PCLO: variants seen among roughly 807,000 people sequenced by gnomAD.
PCLO encodes piccolo presynaptic cytomatrix protein, also known as protein piccolo.
PCLO carries 82 observed loss-of-function variants against 427.5 expected under a neutral mutation model. The observed-to-expected ratio is 0.19, with a 90% CI of 0.16 to 0.23. The LOEUF (loss-of-function observed/expected upper bound fraction) is 0.23, where lower values mean the gene tolerates loss of function less well. PCLO is among the 10% of genes least tolerant of loss of function. The pLI, the probability that PCLO is intolerant of heterozygous loss-of-function variation, is 1.00. For synonymous variants in PCLO, 2,357 were observed against 2,155.4 expected (o/e 1.09, Z -2.59); for missense variants, 6,239 against 6,115.9 (o/e 1.02, Z -0.67).
In PCLO at chr7:82,952,735, T is replaced by C; in HGVS notation, c.8218A>G (p.Thr2740Ala). The C allele has an allele frequency of 6.2e-7, 1 of 1,613,684 alleles. No homozygotes were observed. Among genetic ancestry groups the C allele is most frequent in the Non-Finnish European group, 8.5e-7 (1 of 1,179,684 alleles). Residue 2740 changes from threonine (T) to alanine (A), a missense_variant, in exon 5 of 25, where the codon ACA becomes GCA. By Grantham distance (58) the Thr-to-Ala change is moderately conservative. Transcript: ENST00000333891. ...GAAAGATCAATACATTTATCAGTTG[T>C]TTTAACTTCTACCTTTGGTACTGTA... ...LRTVPKVEVK[T>A]TDKCIDLSAS...
chr7:83,125,277 C>T (rs2116580403), intron 3 of PCLO, among the ~76,000 whole-genome samples: 1 of 151,942 alleles, frequency 6.6e-6, no homozygotes, highest in African/African-American at 2.4e-5. Flanking sequence ...GTGGGGAGCC[C>T]CTCCGCCCGG....
At chr7:82,781,831 C>A (rs1790879261) in intron 22 of PCLO, among the ~76,000 whole-genome samples, 1 of 152,124 alleles carries the variant, frequency 6.6e-6, no homozygotes, top group Non-Finnish European at 1.5e-5. Flanking sequence ...CATAAAAACC[C>A]AAGAGGATTG....
At chr7:83,116,533 T>C (rs2116543371) in intron 3 of PCLO, among the ~76,000 whole-genome samples, 1 of 152,310 alleles carries the variant, frequency 6.6e-6, no homozygotes, top group South Asian at 2.1e-4. Context: ...GTTGTATGTA[T>C]TCACCATGCA....
chr7:82,949,582 G>C lies in PCLO; in HGVS notation c.11006C>G (p.Pro3669Arg), dbSNP rs1317565576. 18 of 1,613,754 alleles carry C rather than the reference G, an allele frequency of 1.1e-5. No individual in the cohort carries two copies. In the East Asian group the frequency reaches 4.0e-4, roughly 36 times the overall value. ...PDMAKVPPAS[P>R]KTAKMMQRSM... ...ACGCTGCATCATCTTGGCTGTCTTAGGACTTGCTGGGGGAACTTTAGCCAT... is the reference window on the plus strand; with the variant it reads ...ACGCTGCATCATCTTGGCTGTCTTACGACTTGCTGGGGGAACTTTAGCCAT... Residue 3669 changes from proline to arginine, a missense_variant, in exon 6 of 25, where the codon CCT becomes CGT. Physicochemically the swap from Pro to Arg is moderately radical, Grantham distance 103. Coordinates refer to ENST00000333891, the MANE Select transcript of PCLO (RefSeq NM_033026.6).
At chr7:83,013,952 A>G (rs41597) in intron 3 of PCLO, among the ~76,000 whole-genome samples, 34,666 of 152,100 alleles carry the variant, frequency 0.23, 5,141 homozygotes, top group Middle Eastern at 0.4. Context: ...ATTGTAGAAT[A>G]GCAATTCTTT....
At chr7:82,936,968 T>G (rs563691462) in intron 6 of PCLO, among the ~76,000 whole-genome samples, 1 of 151,732 alleles carries the variant, frequency 6.6e-6, no homozygotes, top group African/African-American at 2.4e-5. Context: ...CAAAAACACA[T>G]TGGTAGTTGT....
At chr7:83,027,360 A>T (rs2116107586) in intron 3 of PCLO, among the ~76,000 whole-genome samples, 1 of 152,274 alleles carries the variant, frequency 6.6e-6, no homozygotes, top group South Asian at 2.1e-4. Flanking sequence ...ATCTAGAAGA[A>T]ATGGATAAAT....
intron 2 of PCLO, among the ~76,000 whole-genome samples, chr7:83,139,158 T>C (rs942181809): frequency 6.6e-6 from 1 of 151,922 alleles, no homozygotes; most frequent in African/African-American, 2.4e-5. Flanking sequence ...ACTAAACACA[T>C]AGAAGAAATA....
intron 3 of PCLO, among the ~76,000 whole-genome samples, chr7:83,014,147 A>G (rs1562919165): frequency 6.6e-6 from 1 of 152,164 alleles, no homozygotes; most frequent in Non-Finnish European, 1.5e-5. Flanking sequence ...CCCTTAAGAT[A>G]TGTACAGTCT....
Position 82,916,203 on chromosome 7 carries a change from A to G in PCLO, c.11783T>C (p.Phe3928Ser). The change falls in exon 7 of 25, where the codon TTC (phenylalanine) becomes TCC (serine). Residue 3928 changes from phenylalanine (F) to serine (S), a missense_variant. Coordinates refer to ENST00000333891, the MANE Select transcript of PCLO (RefSeq NM_033026.6). ...GAAGGACATTGTTGCCACAGCTTGG[A>G]ATGTTGGCTGAGTCTGATAAGGTGA... ...QVSPYQTQPT[F>S]QAVATMSFTP... is the part of the protein sequence containing the mutation. 6.2e-7 allele frequency: 1 copy of G among 1,613,604 alleles called. No individual in the cohort carries two copies. Among genetic ancestry groups the G allele is most frequent in the Non-Finnish European group, 8.5e-7 (1 of 1,179,694 alleles).
At chr7:82,972,960 T>C (rs927740519) in intron 3 of PCLO, among the ~76,000 whole-genome samples, 2 of 152,102 alleles carry the variant, frequency 1.3e-5, no homozygotes, top group Non-Finnish European at 2.9e-5. Context: ...CTCGGCAATA[T>C]GGTGTTCTAT....
chr7:82,758,772 AGTTTTC>A, intron 24 of PCLO, 57 bp from the exon 25 acceptor site: 27 of 1,071,670 alleles, frequency 2.5e-5, no homozygotes, highest in Non-Finnish European at 3.3e-5. Context: ...ACATGTGTAT[AGTTTTC>A]AACCTTTTTT....
At chr7:82,864,917 T>C (rs1395506075) in intron 10 of PCLO, among the ~76,000 whole-genome samples, 1 of 152,166 alleles carries the variant, frequency 6.6e-6, no homozygotes, top group Non-Finnish European at 1.5e-5. Flanking sequence ...CTGCTGAGAA[T>C]CAGTTCTTGG....
At chr7:82,759,850 C>T (rs1790394153) in intron 24 of PCLO, among the ~76,000 whole-genome samples, 1 of 151,882 alleles carries the variant, frequency 6.6e-6, no homozygotes, top group African/African-American at 2.4e-5. Context: ...TTAGTCCTTG[C>T]CCTAGAGAAA....
intron 6 of PCLO, among the ~76,000 whole-genome samples, chr7:82,919,846 T>C (rs1794555766): frequency 6.6e-6 from 1 of 151,996 alleles, no homozygotes; most frequent in African/African-American, 2.4e-5. Flanking sequence ...TCAATTCACT[T>C]AGACAGATAT....
At chr7:82,807,288 T>G (rs1016964099) in intron 20 of PCLO, among the ~76,000 whole-genome samples, 1 of 152,214 alleles carries the variant, frequency 6.6e-6, no homozygotes, top group Non-Finnish European at 1.5e-5. Context: ...CTAGATGTGT[T>G]CAAACCTACA....
chr7:82,840,068 CA>C (rs147191892), intron 14 of PCLO, among the ~76,000 whole-genome samples: 5,258 of 151,728 alleles, frequency 0.035, 159 homozygotes, highest in African/African-American at 0.077. Flanking sequence ...AAACACAGTC[CA>C]AAAGAAACAC....
chr7:82,951,479 C>A lies in PCLO; in HGVS notation c.9109G>T (p.Asp3037Tyr). The A allele has an allele frequency of 6.4e-7, 1 of 1,566,754 alleles. No individual in the cohort carries two copies. Among genetic ancestry groups the A allele is most frequent in the Non-Finnish European group, 8.7e-7 (1 of 1,153,654 alleles). The change falls in exon 6 of 25, where the codon GAT becomes TAT. Residue 3037 changes from aspartate to tyrosine, a missense_variant. By Grantham distance (160) the Asp-to-Tyr change is radical. Transcript: ENST00000333891. ...SGRVTTGEVM[D>Y]YSSKTTGPYP... Reference sequence around the variant, plus strand: ...GGACCTGTAGTCTTGCTTGAATAATCCATTACCTCACCTGAAATACAGGGC... The same window carrying A: ...GGACCTGTAGTCTTGCTTGAATAATACATTACCTCACCTGAAATACAGGGC...
intron 22 of PCLO, among the ~76,000 whole-genome samples, chr7:82,794,730 T>G (rs1338015366): frequency 1.3e-5 from 2 of 151,892 alleles, no homozygotes; most frequent in Non-Finnish European, 2.9e-5. Flanking sequence ...CTCCTCGGTC[T>G]CCCAAAGTGC....
Sources: allele counts gnomAD v4.1 joint callset (sites outside exome capture counted in the v4.1 genomes callset), GRCh38; gene constraint gnomAD v4.1.1; transcripts MANE v1.5; gene names NCBI Gene and HGNC (gene_info 2026-07-23, HGNC 2026-07-21).